FAR1: variants seen among roughly 807,000 people sequenced by gnomAD.
FAR1 encodes the protein male sterility domain-containing protein 2.
In FAR1, 22 loss-of-function variants were observed where a neutral mutation model predicts 61.1. The ratio of observed to expected loss-of-function variants is 0.36; its 90% CI spans 0.26 to 0.51. FAR1 has a LOEUF of 0.51. Among genes scored for constraint, FAR1 ranks in the 20% least tolerant of loss-of-function variants. The pLI is 0.95. For missense variants in FAR1, 359 were observed against 626.9 expected (o/e 0.57, Z 4.56); for synonymous variants, 206 against 209.7 (o/e 0.98, Z 0.15).
rs1848736490 is a variant in FAR1 at position 13,732,255 on chromosome 11, TC to T, written c.*3483del. On this transcript the variant is annotated 3_prime_UTR_variant, in exon 12 of 12. Coordinates refer to ENST00000354817, the MANE Select transcript of FAR1 (RefSeq NM_032228.6). ...GCATATATCTTTGCTATCCTTAAGATCCTAAACAAATCATCTTTGTCAGTTA... is the reference window on the plus strand; with the variant it reads ...GCATATATCTTTGCTATCCTTAAGATCTAAACAAATCATCTTTGTCAGTTA... The T allele has an allele frequency of 6.6e-6, 1 of 152,218 alleles. No individual in the cohort carries two copies. Among genetic ancestry groups the T allele is most frequent in the Admixed American group, 6.5e-5 (1 of 15,280 alleles). 9.4% of individuals were successfully genotyped at this position (152,218 alleles called of 1,614,324 possible).
intron 1 of FAR1, among the ~76,000 whole-genome samples, chr11:13,671,641 C>T (rs1345987384): frequency 3.3e-5 from 5 of 152,176 alleles, no homozygotes; most frequent in Non-Finnish European, 7.3e-5. Context: ...TACTTTGTGG[C>T]AGACACTGTT....
intron 10 of FAR1, among the ~76,000 whole-genome samples, chr11:13,724,033 A>T (rs1217954994): frequency 2.6e-5 from 4 of 152,034 alleles, no homozygotes; most frequent in Non-Finnish European, 5.9e-5. Context: ...ATGGCACCTA[A>T]TTTTTTTAAA....
At chr11:13,723,439 G>A in intron 10 of FAR1, 2 of 393,498 alleles carry the variant, frequency 5.1e-6, no homozygotes, top group South Asian at 3.8e-5. Context: ...CTGTTGAAAA[G>A]TCGGTAGTTG....
chr11:13,674,317 AAAAAAAAG>A (rs1424637476), intron 1 of FAR1, among the ~76,000 whole-genome samples: 4 of 151,494 alleles, frequency 2.6e-5, no homozygotes, highest in Admixed American at 1.3e-4. Context: ...TCAAAAAAAA[AAAAAAAAG>A]AAAAAAAGAA....
chr11:13,726,802 T>C (rs1272002846), intron 10 of FAR1, among the ~76,000 whole-genome samples: 1 of 151,892 alleles, frequency 6.6e-6, no homozygotes, highest in African/African-American at 2.4e-5. Flanking sequence ...AAATGTTTCC[T>C]AAGTCTTCAT....
chr11:13,723,362 C>CAAA (rs71313446), intron 10 of FAR1: 4,620 of 256,450 alleles, frequency 0.018, no homozygotes, highest in Middle Eastern at 0.025. Context: ...GAGAGTCTCT[C>CAAA]AAAAAAAAAA....
intron 1 of FAR1, among the ~76,000 whole-genome samples, chr11:13,679,956 A>C (rs1565338863): frequency 6.6e-6 from 1 of 151,884 alleles, no homozygotes. Flanking sequence ...AGTATTGGGG[A>C]AAATAGGATA....
rs913298881 is a variant in FAR1 at position 13,729,912 on chromosome 11, A to T, written c.*1138A>T. The T allele has an allele frequency of 2.0e-5, 3 of 152,462 alleles. No individual in the cohort carries two copies. Among genetic ancestry groups the T allele is most frequent in the Non-Finnish European group, 2.9e-5 (2 of 67,872 alleles). 9.4% of individuals were successfully genotyped at this position (152,462 alleles called of 1,614,324 possible). ...TATTTACATACTACATAAGGTAGCA[A>T]ACTGTTGAATGAGTTTGAAGGTATC... On this transcript the variant is annotated 3_prime_UTR_variant, in exon 12 of 12. Coordinates refer to ENST00000354817, the MANE Select transcript of FAR1 (RefSeq NM_032228.6).
intron 1 of FAR1, among the ~76,000 whole-genome samples, chr11:13,671,837 G>C (rs181649291): frequency 6.6e-6 from 1 of 152,204 alleles, no homozygotes; most frequent in Admixed American, 6.5e-5. Context: ...AGTAAGTGCT[G>C]GGTGTTCAAT....
At chr11:13,678,454 C>T (rs1193270037) in intron 1 of FAR1, among the ~76,000 whole-genome samples, 2 of 151,972 alleles carry the variant, frequency 1.3e-5, no homozygotes, top group Non-Finnish European at 2.9e-5. Flanking sequence ...TTAGTAGAGA[C>T]GGGGTTTCAC....
intron 9 of FAR1, among the ~76,000 whole-genome samples, chr11:13,716,715 C>G (rs112267339): frequency 6.6e-5 from 10 of 152,136 alleles, no homozygotes; most frequent in Non-Finnish European, 1.3e-4. Context: ...TTGCCTCATT[C>G]TTCTAGTTAC....
chr11:13,723,383 A>AAC, intron 10 of FAR1: 3 of 388,614 alleles, frequency 7.7e-6, no homozygotes, highest in East Asian at 7.5e-5. Flanking sequence ...AAAAAAAAAA[A>AAC]CCCCAAAAAA....
chr11:13,678,632 G>C (rs987250493), intron 1 of FAR1, among the ~76,000 whole-genome samples: 1 of 152,146 alleles, frequency 6.6e-6, no homozygotes, highest in African/African-American at 2.4e-5. Flanking sequence ...TTGAAGGCTG[G>C]TTTAGTAATC....
chr11:13,668,944 C>G (rs1847959921), intron 1 of FAR1, 138 bp downstream of exon 1: 1 of 152,334 alleles, frequency 6.6e-6, no homozygotes, highest in Admixed American at 6.5e-5. Flanking sequence ...CCCGCCCCCG[C>G]CCGGGTACGC....
Position 13,700,373 on chromosome 11 carries a change from C to A in FAR1, c.246C>A (p.Ile82=), listed in dbSNP as rs1848357800. 1.9e-6 allele frequency: 3 copies of A among 1,600,044 alleles called. No homozygotes were observed. Among genetic ancestry groups the A allele is most frequent in the Non-Finnish European group, 1.7e-6 (2 of 1,175,348 alleles). ...ATTTTAGAGAGAAAATTATAGCAAT[C>A]AACAGCGAACTCACCCAACCTAAAC... ...NPDFREKIIA[I]NSELTQPKLA... Residue 82 remains isoleucine (I), a synonymous_variant, in exon 3 of 12, where the codon ATC becomes ATA. Transcript: ENST00000354817.
chr11:13,682,686 G>C (rs762077207), intron 1 of FAR1, among the ~76,000 whole-genome samples: 8 of 152,198 alleles, frequency 5.3e-5, no homozygotes, highest in Non-Finnish European at 8.8e-5. Context: ...ATGGCTAACT[G>C]TAGTCTCAAC....
chr11:13,695,960 G>A (rs1848302771), intron 2 of FAR1, among the ~76,000 whole-genome samples: 1 of 152,084 alleles, frequency 6.6e-6, no homozygotes, highest in African/African-American at 2.4e-5. Context: ...ATTCAAATTA[G>A]TCTACATTAG....
chr11:13,676,687 A>C (rs1481884433), intron 1 of FAR1, among the ~76,000 whole-genome samples: 4 of 152,244 alleles, frequency 2.6e-5, no homozygotes, highest in African/African-American at 9.6e-5. Context: ...GATTATGAGC[A>C]TAAGCAGAAT....
chr11:13,694,632 C>T, intron 1 of FAR1, 127 bp from the exon 2 acceptor site: 2 of 749,782 alleles, frequency 2.7e-6, no homozygotes, highest in Non-Finnish European at 4.3e-6. Context: ...AGAGTCCTCT[C>T]TTGTTAATGT....
Sources: gnomAD v4.1 joint callset for allele counts (sites outside exome capture counted in the v4.1 genomes callset) on GRCh38, gnomAD v4.1.1 for gene constraint, MANE v1.5 for transcripts, NCBI Gene and HGNC (gene_info 2026-07-23, HGNC 2026-07-21) for gene names.